CAMTA1: variants seen among roughly 807,000 people sequenced by gnomAD.
CAMTA1 encodes calmodulin-binding transcription activator 1.
CAMTA1 carries 27 observed loss-of-function variants against 170.9 expected under a neutral mutation model. The ratio of observed to expected loss-of-function variants is 0.16; its 90% CI spans 0.12 to 0.22. The LOEUF is 0.22. CAMTA1 is among the 10% of genes least tolerant of loss of function. The pLI, the probability that CAMTA1 is intolerant of heterozygous loss-of-function variation, is 1.00. For missense variants in CAMTA1, 1,619 were observed against 2,217.2 expected, an observed-to-expected ratio of 0.73 and a Z score of 5.42; for synonymous variants, 833 against 891.5, an observed-to-expected ratio of 0.93 and a Z score of 1.17.
At chr1:7,298,686 T>C (rs1674334900) in intron 5 of CAMTA1, among the ~76,000 whole-genome samples, 1 of 152,192 alleles carries the variant, frequency 6.6e-6, no homozygotes, top group African/African-American at 2.4e-5. Context: ...CATTTTGTAA[T>C]ATATATTTAC....
Position 7,033,588 on chromosome 1 carries a change from CTTTTTTTTT to C in CAMTA1, c.235-57702_235-57694del, listed in dbSNP as rs34282545. On this transcript the variant is annotated intron_variant, in intron 3 of 22. Transcript: ENST00000303635. ...GTACATGTTTATTCTTGTAAATATT[CTTTTTTTTT>C]TTTTTTTTTTTTTGATACAGAGTCT... Among the ~76,000 whole-genome samples, 181 of 95,138 alleles carry C rather than the reference CTTTTTTTTT, an allele frequency of 1.9e-3. 1 individual carries two copies. The highest frequency in any genetic ancestry group is 4.2e-3 in the Admixed American group (30 of 7,130). The allele number at this position is 95,138 out of a possible 152,430, so 62.4% of individuals were successfully genotyped here. A position where few individuals can be genotyped will look rare whatever the true frequency, so the allele number is the denominator to read the frequency against.
At chr1:7,620,958 G>T (rs916647402) in intron 6 of CAMTA1, among the ~76,000 whole-genome samples, 5 of 152,202 alleles carry the variant, frequency 3.3e-5, no homozygotes. Flanking sequence ...GCAGCCCTGA[G>T]GACAGGTGCA....
chr1:7,559,189 C>T (rs1050208178), intron 6 of CAMTA1, among the ~76,000 whole-genome samples: 6 of 152,174 alleles, frequency 3.9e-5, no homozygotes, highest in African/African-American at 1.2e-4. Context: ...AAGAGGGGCC[C>T]GAGTGGTAGC....
At chr1:7,715,634 C>T (rs2096604013) in intron 11 of CAMTA1, among the ~76,000 whole-genome samples, 2 of 152,112 alleles carry the variant, frequency 1.3e-5, no homozygotes, top group Admixed American at 1.3e-4. Context: ...AAGTGTTTTG[C>T]TTTTTTACGT....
chr1:7,717,009 G>A (rs2096615002), intron 11 of CAMTA1, among the ~76,000 whole-genome samples: 1 of 152,204 alleles, frequency 6.6e-6, no homozygotes. Context: ...GTGAAGTGAA[G>A]TAAGCCAGGC....
At chr1:7,276,918 T>G (rs4908615) in intron 5 of CAMTA1, among the ~76,000 whole-genome samples, 2 of 152,026 alleles carry the variant, frequency 1.3e-5, no homozygotes, top group African/African-American at 4.8e-5. Context: ...TTCACATATT[T>G]GCAATGAACA....
chr1:7,189,771 T>C (rs2148939320), intron 4 of CAMTA1, among the ~76,000 whole-genome samples: 1 of 152,326 alleles, frequency 6.6e-6, no homozygotes, highest in African/African-American at 2.4e-5. Flanking sequence ...GATCCAGCAG[T>C]CCCACTACTG....
intron 5 of CAMTA1, among the ~76,000 whole-genome samples, chr1:7,335,141 G>GTGTGTGTGTGTGTGTGTGTGA (rs770168823): frequency 1.8e-5 from 1 of 54,400 alleles, no homozygotes; most frequent in Non-Finnish European, 4.2e-5. Context: ...TGTGTGTGTG[G>GTGTGTGTGTGTGTGTGTGTGA]GGGGGGGGGG....
chr1:7,284,126 GTTCTTCTTCTTCTTCTTCTTCTTC>G (rs202166286), intron 5 of CAMTA1, among the ~76,000 whole-genome samples: 14 of 107,000 alleles, frequency 1.3e-4, no homozygotes, highest in South Asian at 3.6e-4. Flanking sequence ...ATTTGCTGCT[GTTCTTCTTCTTCTTCTTCTTCTTC>G]TTCTTCTTCT....
intron 6 of CAMTA1, among the ~76,000 whole-genome samples, chr1:7,625,812 G>C (rs550877399): frequency 6.6e-6 from 1 of 152,324 alleles, no homozygotes; most frequent in Admixed American, 6.5e-5. Context: ...TCTGGGAAGG[G>C]CCTGGCCTGC....
At chr1:7,395,563 T>C (rs1295207277) in intron 5 of CAMTA1, among the ~76,000 whole-genome samples, 2 of 152,222 alleles carry the variant, frequency 1.3e-5, no homozygotes, top group African/African-American at 4.8e-5. Flanking sequence ...CAGAGTCTTT[T>C]ATGGTTCCAT....
chr1:6,898,607 G>T (rs1003331213), intron 3 of CAMTA1, among the ~76,000 whole-genome samples: 3 of 152,306 alleles, frequency 2.0e-5, no homozygotes, highest in Admixed American at 2.0e-4. Context: ...AGGCAGATAA[G>T]TTATAGTTCA....
At chr1:7,147,492 A>G (rs1365984112) in intron 4 of CAMTA1, among the ~76,000 whole-genome samples, 1 of 151,326 alleles carries the variant, frequency 6.6e-6, no homozygotes, top group Non-Finnish European at 1.5e-5. Context: ...ACACACAAAC[A>G]CACTCAAATA....
At chr1:7,257,458 G>C (rs1158367434) in intron 5 of CAMTA1, among the ~76,000 whole-genome samples, 1 of 152,128 alleles carries the variant, frequency 6.6e-6, no homozygotes, top group Non-Finnish European at 1.5e-5. Flanking sequence ...ACATTCACAC[G>C]AGAGCTTTCA....
intron 4 of CAMTA1, among the ~76,000 whole-genome samples, chr1:7,130,447 C>A (rs1573311164): frequency 6.6e-6 from 1 of 152,118 alleles, no homozygotes; most frequent in Admixed American, 6.5e-5. Flanking sequence ...TGAGCATATA[C>A]CTTTATTTAT....
chr1:7,661,662 G>T, intron 7 of CAMTA1, 64 bp from the exon 8 acceptor site: 1 of 1,590,164 alleles, frequency 6.3e-7, no homozygotes, highest in Non-Finnish European at 8.6e-7. Context: ...CCTACCCCTT[G>T]GCCCCACCCA....
intron 6 of CAMTA1, among the ~76,000 whole-genome samples, chr1:7,603,393 T>C (rs2095462124): frequency 6.6e-6 from 1 of 152,266 alleles, no homozygotes; most frequent in Non-Finnish European, 1.5e-5. Context: ...TTATTTAGGA[T>C]AGTTAGCTCT....
In CAMTA1 at chr1:6,934,292, C is replaced by T. The variant is rs539725233; in HGVS notation, c.234+109082C>T. 1.1e-4 allele frequency among the ~76,000 whole-genome samples: 16 copies of T among 152,202 alleles called. No homozygotes were observed. Among genetic ancestry groups the T allele is most frequent in the Non-Finnish European group, 1.9e-4 (13 of 68,034 alleles). ...GGACCGGAAGGATGAGGCATGCTCCCGGAAGTTAGCATCGCTCATGGCCCT... is the reference window on the plus strand; with the variant it reads ...GGACCGGAAGGATGAGGCATGCTCCTGGAAGTTAGCATCGCTCATGGCCCT... On this transcript the variant is annotated intron_variant, in intron 3 of 22. Coordinates refer to ENST00000303635, the MANE Select transcript of CAMTA1 (RefSeq NM_015215.4). This position sits in a 1 kb window ranked among gnomAD's most constrained non-coding sequence, Gnocchi z 4.5.
Position 7,265,064 on chromosome 1 carries a change from C to T in CAMTA1, c.438+15438C>T, listed in dbSNP as rs575102714. ...CCAGGGAGCCGGGTTTTTCTGGCCT[C>T]GTGCTTGTCTTTTCTGCTGCAGAAC... On this transcript the variant is annotated intron_variant, in intron 5 of 22. Transcript: ENST00000303635. 7.2e-5 allele frequency among the ~76,000 whole-genome samples: 11 copies of T among 152,260 alleles called. No individual in the cohort carries two copies. In the South Asian group the frequency reaches 1.7e-3, roughly 23 times the overall value.
Sources: gnomAD v4.1 joint callset for allele counts (sites outside exome capture counted in the v4.1 genomes callset) on GRCh38, gnomAD v4.1.1 for gene constraint, Gnocchi (gnomAD v3.1) non-coding constraint, MANE v1.5 for transcripts, NCBI Gene and HGNC (gene_info 2026-07-23, HGNC 2026-07-21) for gene names.